Variants in CACNA1C observed in about 807,000 individuals in gnomAD.
The protein encoded by CACNA1C is voltage-dependent L-type calcium channel subunit alpha-1C.
In CACNA1C, 30 loss-of-function variants were observed where a neutral mutation model predicts 229.0. The ratio of observed to expected loss-of-function variants is 0.13; its 90% CI spans 0.10 to 0.18. The LOEUF is 0.18. Ranked by LOEUF, CACNA1C falls within the 10% of genes least tolerant of loss-of-function variation. The pLI is 1.00. For missense variants in CACNA1C, 1,658 were observed against 2,845.0 expected (o/e 0.58, Z 9.49); for synonymous variants, 1,114 against 1,132.5 (o/e 0.98, Z 0.33).
intron 1 of CACNA1C, among the ~76,000 whole-genome samples, chr12:1,982,340 A>G (rs866969387): frequency 3.3e-5 from 5 of 152,026 alleles, no homozygotes; most frequent in Non-Finnish European, 5.9e-5. Context: ...CATCATCCCA[A>G]ACTAAAACTC....
chr12:2,190,430 G>T (rs1053396399), intron 3 of CACNA1C, among the ~76,000 whole-genome samples: 32 of 152,128 alleles, frequency 2.1e-4, no homozygotes, highest in African/African-American at 7.7e-4. Context: ...CTGGTTTTCT[G>T]TTTTTTGTTG....
intron 3 of CACNA1C, among the ~76,000 whole-genome samples, chr12:2,375,864 G>A (rs562854935): frequency 9.8e-5 from 15 of 152,338 alleles, no homozygotes; most frequent in African/African-American, 3.1e-4. Context: ...AGTGGAAGAC[G>A]TTGACCACAC....
In CACNA1C at chr12:2,691,229, A is replaced by G; in HGVS notation, c.*30A>G. The G allele has an allele frequency of 1.3e-6, 2 of 1,509,520 alleles. No homozygotes were observed. Among genetic ancestry groups the G allele is most frequent in the Non-Finnish European group, 1.8e-6 (2 of 1,131,024 alleles). The allele number at this position is 1,509,520 out of a possible 1,614,324, so 93.5% of individuals were successfully genotyped here. On this transcript the variant is annotated 3_prime_UTR_variant, in exon 47 of 47. Transcript: ENST00000399655. ...CGCTGCCAGATGCGGGCTTTTTTTT[A>G]TTTGTTTCAATGTTCCTAATGGGTT...
intron 18 of CACNA1C, among the ~76,000 whole-genome samples, chr12:2,588,684 C>T (rs1460824890): frequency 6.6e-6 from 1 of 152,218 alleles, no homozygotes; most frequent in Non-Finnish European, 1.5e-5. Flanking sequence ...AGCTCGCCAG[C>T]TGCTTTCAAC....
intron 3 of CACNA1C, among the ~76,000 whole-genome samples, chr12:2,321,577 CAT>C (rs2096001341): frequency 6.6e-6 from 1 of 152,100 alleles, no homozygotes; most frequent in Admixed American, 6.6e-5. Flanking sequence ...CATTTAGTGG[CAT>C]GTGTGAGCAT....
intron 6 of CACNA1C, among the ~76,000 whole-genome samples, chr12:2,492,899 C>G (rs2099739156): frequency 6.6e-6 from 1 of 152,184 alleles, no homozygotes; most frequent in Admixed American, 6.5e-5. Flanking sequence ...CATGTTGCAG[C>G]AGAATGGGCA....
rs2089811759 is a variant in CACNA1C at position 2,630,363 on chromosome 12, G to A, written c.3829-3934G>A. Among the ~76,000 whole-genome samples the A allele has an allele frequency of 6.6e-6, 1 of 152,142 alleles. No homozygotes were observed. Among genetic ancestry groups the A allele is most frequent in the African/African-American group, 2.4e-5 (1 of 41,434 alleles). On this transcript the variant is annotated intron_variant, in intron 29 of 46. Transcript: ENST00000399655. The surrounding 1 kb of genome is among the most constrained non-coding windows in gnomAD (Gnocchi z 5.4). ...AAACAGAGAGAAGAGAGATGAGACA[G>A]CATCAAGCCCTTCCACTCCCGAGAG...
intron 5 of CACNA1C, among the ~76,000 whole-genome samples, chr12:2,485,870 AGCTGCCAGTCCTTT>A (rs2099695593): frequency 6.6e-6 from 1 of 152,214 alleles, no homozygotes; most frequent in African/African-American, 2.4e-5. Flanking sequence ...GAAGTACAGC[AGCTGCCAGTCCTTT>A]GCTTTGGATG....
intron 29 of CACNA1C, among the ~76,000 whole-genome samples, chr12:2,628,936 C>G (rs1166538660): frequency 6.6e-6 from 1 of 152,134 alleles, no homozygotes; most frequent in Non-Finnish European, 1.5e-5. Context: ...AACATTCACA[C>G]ATCCAGAACA....
At chr12:1,992,975 C>G in intron 1 of CACNA1C, 1 of 607,774 alleles carries the variant, frequency 1.6e-6, no homozygotes, top group Middle Eastern at 4.2e-4. Context: ...CCTCACCCAG[C>G]CCTGCTCAGG....
intron 5 of CACNA1C, among the ~76,000 whole-genome samples, chr12:2,482,195 G>C (rs1324643953): frequency 2.0e-5 from 3 of 152,240 alleles, no homozygotes; most frequent in Non-Finnish European, 2.9e-5. Flanking sequence ...ATGGAAGCGA[G>C]AGCCTTTCCT....
At chr12:2,226,256 C>T (rs1003033631) in intron 3 of CACNA1C, among the ~76,000 whole-genome samples, 1 of 151,938 alleles carries the variant, frequency 6.6e-6, no homozygotes, top group East Asian at 1.9e-4. Flanking sequence ...TAGTTTACAG[C>T]ATCCTTTCAC....
intron 3 of CACNA1C, among the ~76,000 whole-genome samples, chr12:2,273,979 C>T (rs2086461709): frequency 6.6e-6 from 1 of 152,214 alleles, no homozygotes; most frequent in African/African-American, 2.4e-5. Context: ...TTGGCAGCCT[C>T]CAGCAGGCAG....
intron 3 of CACNA1C, among the ~76,000 whole-genome samples, chr12:2,406,551 T>C (rs760824303): frequency 6.6e-6 from 1 of 152,216 alleles, no homozygotes; most frequent in Non-Finnish European, 1.5e-5. Context: ...AGCCCATTCA[T>C]TGAGTTTTGA....
chr12:2,338,912 A>G (rs901305938), intron 3 of CACNA1C, among the ~76,000 whole-genome samples: 1 of 152,182 alleles, frequency 6.6e-6, no homozygotes, highest in Non-Finnish European at 1.5e-5. Flanking sequence ...TTATGATCCA[A>G]TCTGATTATC....
intron 10 of CACNA1C, among the ~76,000 whole-genome samples, chr12:2,554,313 G>C (rs1267816360): frequency 6.6e-6 from 1 of 152,154 alleles, no homozygotes; most frequent in Non-Finnish European, 1.5e-5. Context: ...ATGAACTTCA[G>C]TTCCTACCCA....
At chr12:2,268,497 T>C (rs1365040736) in intron 3 of CACNA1C, among the ~76,000 whole-genome samples, 1 of 152,182 alleles carries the variant, frequency 6.6e-6, no homozygotes, top group Non-Finnish European at 1.5e-5. Flanking sequence ...AAGCAAATGC[T>C]CCTGGGCAGG....
intron 3 of CACNA1C, among the ~76,000 whole-genome samples, chr12:2,362,160 A>G (rs936924688): frequency 6.6e-6 from 1 of 152,182 alleles, no homozygotes; most frequent in African/African-American, 2.4e-5. Flanking sequence ...ACACTGTGCT[A>G]TGCGCTGGGG....
intron 18 of CACNA1C, among the ~76,000 whole-genome samples, chr12:2,590,278 C>G (rs1167426181): frequency 2.6e-5 from 4 of 152,198 alleles, no homozygotes; most frequent in African/African-American, 9.7e-5. Flanking sequence ...CCTGGTTTTA[C>G]TTTGGAATCC....
Sources: gnomAD v4.1 joint callset for allele counts (sites outside exome capture counted in the v4.1 genomes callset) on GRCh38, gnomAD v4.1.1 for gene constraint, Gnocchi (gnomAD v3.1) non-coding constraint, MANE v1.5 for transcripts, NCBI Gene and HGNC (gene_info 2026-07-23, HGNC 2026-07-21) for gene names.